The following GLIS3 variants were observed in gnomAD, a reference collection of about 807,000 sequenced individuals.
GLIS3 encodes the protein zinc finger protein GLIS3.
Under a neutral mutation model 78.6 loss-of-function variants are expected in GLIS3, and 53 were observed. The ratio of observed to expected loss-of-function variants is 0.67; its 90% CI spans 0.54 to 0.85. The LOEUF (loss-of-function observed/expected upper bound fraction) is 0.85, where lower values mean the gene tolerates loss of function less well. Among genes scored for constraint, GLIS3 ranks in the 40% least tolerant of loss-of-function variants. The pLI is 0.00. For missense variants in GLIS3, 1,703 were observed against 1,231.1 expected (o/e 1.38, Z -5.74); for synonymous variants, 684 against 509.9 (o/e 1.34, Z -4.60).
chr9:4,365,421 G>A, the GLIS3 span, among the ~76,000 whole-genome samples: 11 of 152,030 alleles, frequency 7.2e-5, no homozygotes, highest in Non-Finnish European at 1.6e-4. Context: ...GCCTGGCATG[G>A]TGGCGGGTGC....
intron 4 of GLIS3, among the ~76,000 whole-genome samples, chr9:4,092,810 G>A (rs531965926): frequency 5.3e-5 from 8 of 152,246 alleles, no homozygotes; most frequent in Middle Eastern, 3.4e-3. Flanking sequence ...ATAATAAAAC[G>A]TATAGTATAG....
At position 4,338,369 on chromosome 9, in the gene GLIS3, CACACACACACACACACACAT is replaced by C. The variant is rs1265884060; in HGVS notation, n.264+8692_264+8711del. ...TGGATTTCTATTATATATGTGTGTA[CACACACACACACACACACAT>C]ACACACACACACACACACACAATTT... On this transcript the variant is annotated intron_variant and non_coding_transcript_variant, in intron 2 of 4. Transcript: ENST00000471664. Among the ~76,000 whole-genome samples, 10 of 118,460 alleles carry C rather than the reference CACACACACACACACACACAT, an allele frequency of 8.4e-5. 1 individual carries two copies. In the East Asian group the frequency reaches 1.2e-3, roughly 14 times the overall value. The allele number at this position is 118,460 out of a possible 152,430, so 77.7% of individuals were successfully genotyped here. A position where few individuals can be genotyped will look rare whatever the true frequency, so the allele number is the denominator to read the frequency against.
intron 2 of GLIS3, among the ~76,000 whole-genome samples, chr9:4,200,565 G>C (rs184529056): frequency 9.6e-4 from 146 of 152,194 alleles, no homozygotes; most frequent in Non-Finnish European, 1.8e-3. Flanking sequence ...GAAGGAAATA[G>C]ATAAATTCCT....
chr9:4,458,187 A>C, the GLIS3 span, among the ~76,000 whole-genome samples: 1 of 152,044 alleles, frequency 6.6e-6, no homozygotes, highest in Non-Finnish European at 1.5e-5. Flanking sequence ...GTCTTGCTCT[A>C]CTTGGGAGAA....
intron 3 of GLIS3, among the ~76,000 whole-genome samples, chr9:4,121,662 C>CACAG (rs3063580): frequency 6.7e-6 from 1 of 148,356 alleles, no homozygotes; most frequent in Admixed American, 6.7e-5. Context: ...CACACACACA[C>CACAG]CCCAAAGTTC....
intron 2 of GLIS3, among the ~76,000 whole-genome samples, chr9:4,264,161 G>T (rs1825772225): frequency 6.6e-6 from 1 of 152,136 alleles, no homozygotes; most frequent in African/African-American, 2.4e-5. Context: ...CTCCATCTCA[G>T]GAAATTGTAT....
intron 4 of GLIS3, among the ~76,000 whole-genome samples, chr9:4,106,401 C>T (rs141846099): frequency 6.6e-6 from 1 of 152,098 alleles, no homozygotes; most frequent in East Asian, 1.9e-4. Flanking sequence ...AGGGCGAATG[C>T]CGGTAGAACA....
chr9:3,966,435 C>CTTTTTT (rs764863612), intron 4 of GLIS3, among the ~76,000 whole-genome samples: 11,860 of 150,348 alleles, frequency 0.079, 502 homozygotes, highest in Middle Eastern at 0.12. Flanking sequence ...TGATGCAAAG[C>CTTTTTT]CTTTTTTTTT....
At chr9:4,382,166 A>G in the GLIS3 span, among the ~76,000 whole-genome samples, 1 of 152,220 alleles carries the variant, frequency 6.6e-6, no homozygotes, top group African/African-American at 2.4e-5. Context: ...CTTTTATTTG[A>G]AACATCTAGA....
chr9:4,097,705 C>A (rs1386229210), intron 4 of GLIS3, among the ~76,000 whole-genome samples: 1 of 152,176 alleles, frequency 6.6e-6, no homozygotes, highest in South Asian at 2.1e-4. Flanking sequence ...GTGAAGCACA[C>A]TGAATTGCTC....
chr9:3,856,307 T>A (rs1237869122), intron 8 of GLIS3, 123 bp from the exon 9 acceptor site: 28 of 855,772 alleles, frequency 3.3e-5, no homozygotes, highest in South Asian at 1.5e-4. Context: ...ACAAGCCTTT[T>A]AAAAAAAAAT....
At chr9:4,216,309 A>AC (rs913550806) in intron 2 of GLIS3, among the ~76,000 whole-genome samples, 10 of 151,930 alleles carry the variant, frequency 6.6e-5, no homozygotes, top group Non-Finnish European at 2.9e-5. Flanking sequence ...CGCCTCTACT[A>AC]AAAATACAAA....
chr9:4,252,388 T>A (rs560352130), intron 2 of GLIS3, among the ~76,000 whole-genome samples: 2 of 152,130 alleles, frequency 1.3e-5, no homozygotes, highest in African/African-American at 4.8e-5. Flanking sequence ...TTTCTTCCGC[T>A]TGATCAATTC....
At chr9:4,167,882 G>T (rs1816012736) in intron 2 of GLIS3, among the ~76,000 whole-genome samples, 1 of 152,096 alleles carries the variant, frequency 6.6e-6, no homozygotes, top group African/African-American at 2.4e-5. Context: ...GTTTCAAGGT[G>T]CCACTTTCGG....
intron 2 of GLIS3, among the ~76,000 whole-genome samples, chr9:4,175,330 C>T (rs1816720063): frequency 6.6e-6 from 1 of 152,160 alleles, no homozygotes; most frequent in Non-Finnish European, 1.5e-5. Context: ...AGACTGAGAG[C>T]TTTAGGGAGT....
the GLIS3 span, among the ~76,000 whole-genome samples, chr9:4,369,683 G>A: frequency 1.6e-4 from 25 of 152,106 alleles, no homozygotes; most frequent in Non-Finnish European, 2.8e-4. Context: ...TAACAATGGC[G>A]TGATGGTCAA....
intron 2 of GLIS3, among the ~76,000 whole-genome samples, chr9:4,260,889 G>A (rs1292449454): frequency 4.6e-5 from 7 of 151,994 alleles, no homozygotes; most frequent in Admixed American, 2.0e-4. Flanking sequence ...TGTCTAATAC[G>A]GTAGCCACTA....
At position 4,286,012 on chromosome 9, in the gene GLIS3, AAAAGG is replaced by A. The variant is rs1361869365; in HGVS notation, c.388+21_388+25del. On this transcript the variant is annotated intron_variant, in intron 2 of 10. Coordinates refer to ENST00000381971, the MANE Select transcript of GLIS3 (RefSeq NM_001042413.2). Reference sequence around the variant, plus strand: ...GGAGAAAAAAATCGTTTCCATTTTTAAAAGGTTCCAGAAAGACAATCCTACCTTTC... The same window carrying A: ...GGAGAAAAAAATCGTTTCCATTTTTATTCCAGAAAGACAATCCTACCTTTC... 3.1e-6 allele frequency: 5 copies of A among 1,613,802 alleles called. No homozygotes were observed. In the East Asian group the frequency reaches 1.1e-4, roughly 36 times the overall value.
At chr9:3,931,245 C>T (rs1349721937) in intron 6 of GLIS3, among the ~76,000 whole-genome samples, 2 of 152,024 alleles carry the variant, frequency 1.3e-5, no homozygotes, top group Admixed American at 6.5e-5. Context: ...CTTCCATATA[C>T]ACACCCTCGG....
Sources: gnomAD v4.1 joint callset for allele counts (sites outside exome capture counted in the v4.1 genomes callset) on GRCh38, gnomAD v4.1.1 for gene constraint, MANE v1.5 for transcripts, NCBI Gene and HGNC (gene_info 2026-07-23, HGNC 2026-07-21) for gene names.